Variants in SYT1 observed in about 807,000 individuals in gnomAD.
SYT1 encodes the protein synaptotagmin-1.
SYT1 carries 8 observed loss-of-function variants against 44.8 expected under a neutral mutation model. That is an observed-to-expected ratio of 0.18 (90% CI 0.10 to 0.32). The LOEUF (loss-of-function observed/expected upper bound fraction) is 0.32, where lower values mean the gene tolerates loss of function less well. Among genes scored for constraint, SYT1 ranks in the 10% least tolerant of loss-of-function variants. The pLI, the probability that SYT1 is intolerant of heterozygous loss-of-function variation, is 1.00. For missense variants in SYT1, 286 were observed against 509.3 expected, an observed-to-expected ratio of 0.56 and a Z score of 4.22; for synonymous variants, 154 against 188.8, an observed-to-expected ratio of 0.82 and a Z score of 1.51.
chr12:79,184,726 A>C (rs1872715607), intron 3 of SYT1, among the ~76,000 whole-genome samples: 1 of 152,080 alleles, frequency 6.6e-6, no homozygotes, highest in Non-Finnish European at 1.5e-5. Flanking sequence ...CTTATGTTTC[A>C]GCTCTTTCCA....
intron 6 of SYT1, among the ~76,000 whole-genome samples, chr12:79,295,348 G>C (rs185184941): frequency 1.5e-4 from 23 of 152,152 alleles, no homozygotes; most frequent in Non-Finnish European, 5.9e-5. Context: ...TTAAAGAAAT[G>C]TAATAGTTCT....
At chr12:78,947,732 A>G (rs1487225563) in intron 1 of SYT1, among the ~76,000 whole-genome samples, 2 of 151,866 alleles carry the variant, frequency 1.3e-5, no homozygotes, top group Non-Finnish European at 2.9e-5. Flanking sequence ...GTTATTCTTT[A>G]TATAACTATT....
At chr12:79,286,594 A>C (rs73351022) in intron 5 of SYT1, among the ~76,000 whole-genome samples, 1,692 of 152,280 alleles carry the variant, frequency 0.011, 33 homozygotes, top group African/African-American at 0.038. Flanking sequence ...CAATTTAATA[A>C]GGACAATTAC....
At chr12:79,157,287 C>G (rs1208529521) in intron 3 of SYT1, among the ~76,000 whole-genome samples, 1 of 152,186 alleles carries the variant, frequency 6.6e-6, no homozygotes, top group Non-Finnish European at 1.5e-5. Context: ...ATCATTCACC[C>G]TTTGCATTGA....
chr12:79,163,519 G>A (rs928980440), intron 3 of SYT1, among the ~76,000 whole-genome samples: 2 of 151,974 alleles, frequency 1.3e-5, no homozygotes, highest in Admixed American at 1.3e-4. Context: ...TTGATAACAC[G>A]GTCTAAAGAA....
At position 79,332,394 on chromosome 12, in the gene SYT1, T is replaced by G. The variant is rs192093805; in HGVS notation, c.811-21108T>G. ...GGCAAACCAGATGGAAACTAAATCG[T>G]TTCTGCAGAATGAACGATTTGTGAA... is the stretch of plus-strand genomic sequence containing the variant. On this transcript the variant is annotated intron_variant, in intron 8 of 10. Transcript: ENST00000261205. Among the ~76,000 whole-genome samples, 262 of 152,290 alleles carry G rather than the reference T, an allele frequency of 1.7e-3. 1 individual carries two copies. Among genetic ancestry groups the G allele is most frequent in the African/African-American group, 6.1e-3 (253 of 41,576 alleles).
chr12:78,869,509 G>A (rs1440996134), intron 1 of SYT1, among the ~76,000 whole-genome samples: 1 of 151,834 alleles, frequency 6.6e-6, no homozygotes, highest in Admixed American at 6.6e-5. Flanking sequence ...CTATGTTGTA[G>A]AAATGGTAAA....
At chr12:79,072,674 T>C (rs1876366403) in intron 3 of SYT1, among the ~76,000 whole-genome samples, 1 of 152,128 alleles carries the variant, frequency 6.6e-6, no homozygotes, top group African/African-American at 2.4e-5. Context: ...CAAAATGTTT[T>C]CCATGACAGC....
intron 3 of SYT1, among the ~76,000 whole-genome samples, chr12:79,127,857 T>C (rs1193840981): frequency 6.6e-6 from 1 of 152,222 alleles, no homozygotes; most frequent in East Asian, 1.9e-4. Context: ...AGTTGATTAA[T>C]ATTGTTTAAT....
At chr12:79,339,957 T>G (rs1275793595) in intron 8 of SYT1, among the ~76,000 whole-genome samples, 2 of 152,126 alleles carry the variant, frequency 1.3e-5, no homozygotes, top group East Asian at 1.9e-4. Context: ...TTTTTGTCAG[T>G]TTTGTCAAAG....
chr12:79,384,341 A>G (rs1383652906), intron 9 of SYT1, among the ~76,000 whole-genome samples: 5 of 152,214 alleles, frequency 3.3e-5, no homozygotes, highest in African/African-American at 9.6e-5. Context: ...GATTAGATTT[A>G]TATGCCAAAA....
intron 1 of SYT1, among the ~76,000 whole-genome samples, chr12:78,947,980 AT>A (rs745960675): frequency 1.1e-4 from 16 of 152,066 alleles, no homozygotes; most frequent in Non-Finnish European, 2.2e-4. Flanking sequence ...TTTCAAGTTC[AT>A]TTTTTAGAAC....
At chr12:79,442,059 T>A (rs1870456205) in intron 9 of SYT1, among the ~76,000 whole-genome samples, 1 of 152,238 alleles carries the variant, frequency 6.6e-6, no homozygotes, top group African/African-American at 2.4e-5. Context: ...GGTTTTTTCT[T>A]ATCACTTATT....
chr12:78,995,917 C>T (rs777422223), intron 2 of SYT1: 5 of 152,128 alleles, frequency 3.3e-5, no homozygotes, highest in African/African-American at 7.2e-5. Context: ...TTAATTTACA[C>T]GGAAAATGAC....
intron 3 of SYT1, among the ~76,000 whole-genome samples, chr12:79,160,453 C>T (rs929245540): frequency 1.3e-5 from 2 of 151,996 alleles, no homozygotes; most frequent in Admixed American, 6.6e-5. Context: ...GTTATGTTCA[C>T]GTGAACTAAG....
At chr12:78,932,563 A>G (rs1592577121) in intron 1 of SYT1, among the ~76,000 whole-genome samples, 1 of 152,194 alleles carries the variant, frequency 6.6e-6, no homozygotes, top group South Asian at 2.1e-4. Flanking sequence ...ACCAAATTCC[A>G]CCTTAGGTTT....
At chr12:79,049,562 A>T (rs10861414) in intron 3 of SYT1, among the ~76,000 whole-genome samples, 1 of 151,874 alleles carries the variant, frequency 6.6e-6, no homozygotes, top group South Asian at 2.1e-4. Flanking sequence ...CTTAAATGAC[A>T]TTGTCAAAAC....
intron 3 of SYT1, among the ~76,000 whole-genome samples, chr12:79,175,019 A>G (rs1871772314): frequency 1.2e-4 from 19 of 152,070 alleles, no homozygotes; most frequent in Admixed American, 1.2e-3. Context: ...GTTTTATTAT[A>G]TCTTCAAAAA....
chr12:79,363,611 T>C (rs1883414426), intron 9 of SYT1, among the ~76,000 whole-genome samples: 1 of 150,978 alleles, frequency 6.6e-6, no homozygotes, highest in Non-Finnish European at 1.5e-5. Context: ...AGCGCACACC[T>C]GTGGTCCCAG....
Sources: allele counts gnomAD v4.1 joint callset (sites outside exome capture counted in the v4.1 genomes callset), GRCh38; gene constraint gnomAD v4.1.1; transcripts MANE v1.5; gene names NCBI Gene and HGNC (gene_info 2026-07-23, HGNC 2026-07-21).